NEXN: variants seen among roughly 807,000 people sequenced by gnomAD.
The protein encoded by NEXN is nexilin F-actin binding protein, also known as nexilin.
NEXN carries 65 observed loss-of-function variants against 92.6 expected under a neutral mutation model. That is an observed-to-expected ratio of 0.70 (90% confidence interval 0.57 to 0.86). The LOEUF is 0.86. NEXN is among the 40% of genes least tolerant of loss of function. The probability of loss-of-function intolerance (pLI) is 0.00; values close to 1 mark genes in which losing one functional copy is unlikely to be tolerated. For synonymous variants in NEXN, 254 were observed against 242.5 expected, an observed-to-expected ratio of 1.05 and a Z score of -0.44; for missense variants, 778 against 771.1, an observed-to-expected ratio of 1.01 and a Z score of -0.11.
At chr1:77,941,079 C>A (rs1367065251) in intron 11 of NEXN, among the ~76,000 whole-genome samples, 1 of 152,168 alleles carries the variant, frequency 6.6e-6, no homozygotes, top group Non-Finnish European at 1.5e-5. Flanking sequence ...AAGTGAAACA[C>A]CCGAACCAAG....
At chr1:77,931,525 A>G (rs1191435519) in intron 9 of NEXN, 1 of 152,008 alleles carries the variant, frequency 6.6e-6, no homozygotes, top group South Asian at 2.1e-4. Flanking sequence ...CCTTTTTACC[A>G]TGATTCACTA....
rs886046535 is a variant in NEXN, at chr1:77,942,822, A to C, written c.2021A>C (p.Lys674Thr). The C allele has an allele frequency of 6.2e-6, 10 of 1,606,064 alleles. No homozygotes were observed. The highest frequency in any genetic ancestry group is 2.6e-6 in the Non-Finnish European group (3 of 1,173,796). Residue 674 changes from lysine to threonine, a missense_variant, in exon 13 of 13, where the codon AAG (lysine) becomes ACG (threonine). Coordinates refer to ENST00000334785, the MANE Select transcript of NEXN (RefSeq NM_144573.4). ...ACCTGTATTCTTACCATTGAAAGTA[A>C]GAATTAATCACTCTTTTTATCTTTT... ...ASTCILTIES[K>T]N
intron 1 of NEXN, 135 bp from the exon 2 acceptor site, chr1:77,915,920 G>T: frequency 4.2e-6 from 1 of 237,072 alleles, no homozygotes; most frequent in Non-Finnish European, 8.2e-6. Context: ...AGAGCTAAAG[G>T]TTATCACAAT....
chr1:77,925,297 A>G lies in NEXN; in HGVS notation c.489+68A>G, dbSNP rs1029077601. 3.6e-6 allele frequency: 4 copies of G among 1,111,488 alleles called. No individual in the cohort carries two copies. In the African/African-American group the frequency reaches 6.3e-5, roughly 17 times the overall value. The allele number at this position is 1,111,488 out of a possible 1,614,324, so 68.9% of individuals were successfully genotyped here. On this transcript the variant is annotated intron_variant, in intron 6 of 12. Coordinates refer to ENST00000334785, the MANE Select transcript of NEXN (RefSeq NM_144573.4). ...TCTGATTCACAAATTATCTTTTAGT[A>G]TAAGAAAAAACTAAAAGAGCTTTTA...
At position 77,935,983 on chromosome 1, in the gene NEXN, G is replaced by A. The variant is rs746761862; in HGVS notation, c.1412G>A (p.Arg471Gln). ...KEIQKKIEEE[R>Q]ARRRAIDLEI... ...ATACAGAAAAAAATAGAAGAAGAGC[G>A]AGCAAGAAGGAGAGCAATTGACCTT... The change falls in exon 11 of 13, where the codon CGA becomes CAA. Residue 471 changes from arginine (R) to glutamine (Q), a missense_variant. By Grantham distance (43) the Arg-to-Gln change is conservative (BLOSUM62 1). Around this residue, in one of 3 missense-constraint regions of NEXN, gnomAD observed 532 missense variants for 476.7 expected, o/e 1.12. Transcript: ENST00000334785. The A allele has an allele frequency of 2.5e-6, 4 of 1,613,870 alleles. No individual in the cohort carries two copies. Among genetic ancestry groups the A allele is most frequent in the South Asian group, 2.2e-5 (2 of 90,966 alleles).
chr1:77,899,958 T>A (rs1647563805), intron 1 of NEXN, among the ~76,000 whole-genome samples: 1 of 152,172 alleles, frequency 6.6e-6, no homozygotes, highest in Non-Finnish European at 1.5e-5. Context: ...CCCATTAAAC[T>A]CCATTCTCTA....
intron 1 of NEXN, among the ~76,000 whole-genome samples, chr1:77,894,583 T>C (rs1553233292): frequency 6.6e-6 from 1 of 150,990 alleles, no homozygotes; most frequent in Non-Finnish European, 1.5e-5. Context: ...TGGGACTACA[T>C]GTGTGCACCA....
Position 77,942,223 on chromosome 1 carries a change from T to C in NEXN, c.1659+15T>C. 6.2e-7 allele frequency: 1 copy of C among 1,612,334 alleles called. No individual in the cohort carries two copies. Among genetic ancestry groups the C allele is most frequent in the Non-Finnish European group, 8.5e-7 (1 of 1,178,538 alleles). On this transcript the variant is annotated intron_variant, in intron 12 of 12. Transcript: ENST00000334785. ...CACTACAAAAGGTACCAGGCTTATG[T>C]ATCCTTTATTTTCCAAAGATGCCCT...
At chr1:77,899,871 A>G (rs1037810461) in intron 1 of NEXN, among the ~76,000 whole-genome samples, 1 of 152,006 alleles carries the variant, frequency 6.6e-6, no homozygotes, top group African/African-American at 2.4e-5. Context: ...TTTCATTCCT[A>G]ATGCTAATGT....
chr1:77,936,112 T>C, intron 11 of NEXN, 68 bp downstream of exon 11: 2 of 1,241,134 alleles, frequency 1.6e-6, no homozygotes, highest in Non-Finnish European at 1.2e-6. Flanking sequence ...GAAGTAACAT[T>C]GGCTTTGAAA....
intron 1 of NEXN, among the ~76,000 whole-genome samples, chr1:77,898,271 C>G (rs1402046041): frequency 6.6e-6 from 1 of 152,172 alleles, no homozygotes; most frequent in Admixed American, 6.5e-5. Flanking sequence ...TACTACAAGG[C>G]TACAGTAACC....
chr1:77,913,581 C>A (rs753182991), intron 1 of NEXN, among the ~76,000 whole-genome samples: 1 of 152,014 alleles, frequency 6.6e-6, no homozygotes, highest in Middle Eastern at 3.4e-3. Context: ...ATAAAAATGA[C>A]AATGAAATAC....
chr1:77,935,993 G>A lies in NEXN; in HGVS notation c.1422G>A (p.Arg474=), dbSNP rs775204901. The A allele has an allele frequency of 1.3e-5, 21 of 1,613,900 alleles. No individual in the cohort carries two copies. The East Asian group carries it at 4.7e-4, about 36-fold the overall frequency. The stretch of plus-strand genomic sequence containing the variant: ...AAATAGAAGAAGAGCGAGCAAGAAG[G>A]AGAGCAATTGACCTTGAAATTAAAG... ...QKKIEEERAR[R]RAIDLEIKER... Residue 474 remains arginine, a synonymous_variant, in exon 11 of 13, where the codon AGG becomes AGA. Transcript: ENST00000334785.
intron 6 of NEXN, 105 bp downstream of exon 6, chr1:77,925,334 A>T: frequency 1.2e-6 from 1 of 826,062 alleles, no homozygotes. Flanking sequence ...TATTTTTATT[A>T]TAAATGTAGA....
intron 5 of NEXN, among the ~76,000 whole-genome samples, chr1:77,923,464 TAA>T (rs538223737): frequency 7.3e-4 from 111 of 152,226 alleles, no homozygotes; most frequent in African/African-American, 2.5e-3. Context: ...TCATTGGTTT[TAA>T]AAGTCAAATT....
Position 77,924,667 on chromosome 1 carries a change from C to CTT in NEXN, c.448-515_448-514dup, listed in dbSNP as rs58884466. Among the ~76,000 whole-genome samples, 72 of 150,912 alleles carry CTT rather than the reference C, an allele frequency of 4.8e-4. 1 individual carries two copies. Among genetic ancestry groups the CTT allele is most frequent in the Non-Finnish European group, 8.1e-4 (55 of 67,894 alleles). On this transcript the variant is annotated intron_variant, in intron 5 of 12. Transcript: ENST00000334785. ...ATCTTAATTTTTTCTGTTTTTTTTT[C>CTT]TTTTTTTCTTGAAACAGGGTCTCAC...
At chr1:77,913,503 TTAATA>T (rs1648742207) in intron 1 of NEXN, among the ~76,000 whole-genome samples, 2 of 151,986 alleles carry the variant, frequency 1.3e-5, no homozygotes, top group South Asian at 2.1e-4. Context: ...AAAAGGTGCT[TTAATA>T]TATTATTTAA....
At chr1:77,910,461 T>G (rs1648470906) in intron 1 of NEXN, among the ~76,000 whole-genome samples, 1 of 151,980 alleles carries the variant, frequency 6.6e-6, no homozygotes, top group Non-Finnish European at 1.5e-5. Flanking sequence ...ATAGAACTAA[T>G]AAGTTATTAG....
intron 9 of NEXN, among the ~76,000 whole-genome samples, chr1:77,931,256 A>G (rs1358829799): frequency 1.2e-5 from 1 of 81,966 alleles, no homozygotes; most frequent in Admixed American, 1.3e-4. Context: ...AAAAAAAAAA[A>G]AAAAAAAATT....
Sources: gnomAD v4.1 joint callset for allele counts (sites outside exome capture counted in the v4.1 genomes callset) on GRCh38, gnomAD v4.1.1 for gene constraint, gnomAD v4.1.1 regional missense constraint, MANE v1.5 for transcripts, NCBI Gene and HGNC (gene_info 2026-07-23, HGNC 2026-07-21) for gene names.